LOC128462377: variants seen among roughly 807,000 people sequenced by gnomAD.
At chr16:89,376,888 T>A in the LOC128462377 span, among the ~76,000 whole-genome samples, 1 of 152,204 alleles carries the variant, frequency 6.6e-6, no homozygotes, top group Admixed American at 6.5e-5. Flanking sequence ...GCAAATGCAG[T>A]AGGGTTTATG....
chr16:89,336,956 G>C, the LOC128462377 span, among the ~76,000 whole-genome samples: 1 of 143,796 alleles, frequency 7.0e-6, no homozygotes, highest in Non-Finnish European at 1.5e-5. Context: ...GATTGCTTGA[G>C]CTCAGGAGGT....
chr16:89,358,969 G>A, the LOC128462377 span, among the ~76,000 whole-genome samples: 91 of 152,170 alleles, frequency 6.0e-4, no homozygotes, highest in Admixed American at 2.8e-3. Context: ...GGGACCACAG[G>A]CATGCACCAC....
the LOC128462377 span, among the ~76,000 whole-genome samples, chr16:89,368,382 T>G: frequency 0.016 from 2,118 of 131,444 alleles, 51 homozygotes; most frequent in African/African-American, 0.06. Flanking sequence ...TTTTTTTTTT[T>G]TTTTTTTTTT....
chr16:89,323,139 A>C, the LOC128462377 span: 1 of 356,964 alleles, frequency 2.8e-6, no homozygotes, highest in Middle Eastern at 6.7e-4. Context: ...GGAAAGGGAG[A>C]AGCACGGTCT....
the LOC128462377 span, chr16:89,340,005 T>C: frequency 2.0e-5 from 3 of 152,262 alleles, no homozygotes; most frequent in Admixed American, 1.3e-4. Context: ...ACTATTCTTA[T>C]GACAACTGCA....
At chr16:89,407,194 A>T in the LOC128462377 span, among the ~76,000 whole-genome samples, 1 of 149,288 alleles carries the variant, frequency 6.7e-6, no homozygotes, top group Non-Finnish European at 1.5e-5. Flanking sequence ...TCAAAAAGAT[A>T]AAAAAAAAAG....
At chr16:89,346,437 G>C in the LOC128462377 span, among the ~76,000 whole-genome samples, 192 of 152,196 alleles carry the variant, frequency 1.3e-3, 1 homozygote, top group African/African-American at 4.5e-3. Flanking sequence ...TAATCACATA[G>C]AAAATAACAC....
chr16:89,383,735 G>A, the LOC128462377 span, among the ~76,000 whole-genome samples: 1 of 151,648 alleles, frequency 6.6e-6, no homozygotes, highest in Non-Finnish European at 1.5e-5. Context: ...TCCAGCCCCT[G>A]CACTCGGACC....
the LOC128462377 span, among the ~76,000 whole-genome samples, chr16:89,388,564 C>T: frequency 2.0e-5 from 3 of 152,122 alleles, no homozygotes; most frequent in Non-Finnish European, 4.4e-5. Context: ...AGCCTGAATG[C>T]TGCATGTGTG....
the LOC128462377 span, among the ~76,000 whole-genome samples, chr16:89,395,518 G>C: frequency 6.6e-6 from 1 of 152,216 alleles, no homozygotes; most frequent in African/African-American, 2.4e-5. Flanking sequence ...CCACCCGAAC[G>C]GGGAACCGAA....
the LOC128462377 span, among the ~76,000 whole-genome samples, chr16:89,370,951 T>C: frequency 6.6e-6 from 1 of 151,914 alleles, no homozygotes; most frequent in East Asian, 1.9e-4. Context: ...AACCAAGCCC[T>C]GCGGACACCA....
At chr16:89,388,738 C>G in the LOC128462377 span, among the ~76,000 whole-genome samples, 1 of 152,202 alleles carries the variant, frequency 6.6e-6, no homozygotes, top group Non-Finnish European at 1.5e-5. Flanking sequence ...GTCCCGGGCT[C>G]ACACAGGTCT....
At chr16:89,319,084 T>C in the LOC128462377 span, among the ~76,000 whole-genome samples, 1 of 152,196 alleles carries the variant, frequency 6.6e-6, no homozygotes, top group Non-Finnish European at 1.5e-5. Flanking sequence ...GAATTAACAT[T>C]TTAAAAAATC....
At chr16:89,405,399 C>T in the LOC128462377 span, among the ~76,000 whole-genome samples, 1 of 151,994 alleles carries the variant, frequency 6.6e-6, no homozygotes, top group African/African-American at 2.4e-5. Flanking sequence ...TATGAGCTCA[C>T]CGTAGCCTCG....
the LOC128462377 span, among the ~76,000 whole-genome samples, chr16:89,356,014 G>A: frequency 1.3e-5 from 2 of 152,326 alleles, no homozygotes; most frequent in African/African-American, 4.8e-5. Context: ...CCTGGGGGCT[G>A]AGGCGACAGT....
the LOC128462377 span, among the ~76,000 whole-genome samples, chr16:89,371,498 G>T: frequency 2.0e-5 from 3 of 151,940 alleles, no homozygotes; most frequent in Non-Finnish European, 4.4e-5. Context: ...CAGGCTATGT[G>T]GTCTGTAGTC....
At chr16:89,417,915 G>A in the LOC128462377 span, among the ~76,000 whole-genome samples, 1 of 152,162 alleles carries the variant, frequency 6.6e-6, no homozygotes, top group Non-Finnish European at 1.5e-5. Flanking sequence ...AACACAACAT[G>A]CTCAGAGCAC....
the LOC128462377 span, among the ~76,000 whole-genome samples, chr16:89,369,453 TGCCGCAGCATGGGTGC>T: frequency 1.3e-5 from 2 of 152,200 alleles, no homozygotes; most frequent in Non-Finnish European, 2.9e-5. Flanking sequence ...CACCAAGCTC[TGCCGCAGCATGGGTGC>T]GCCGCAACAG....
the LOC128462377 span, among the ~76,000 whole-genome samples, chr16:89,409,923 T>C: frequency 1.1e-4 from 17 of 152,208 alleles, no homozygotes; most frequent in Non-Finnish European, 2.1e-4. Flanking sequence ...CACTGCAAGC[T>C]CCGCCTCCCG....
Sources: allele counts gnomAD v4.1 joint callset (sites outside exome capture counted in the v4.1 genomes callset), GRCh38; gene constraint gnomAD v4.1.1; transcripts MANE v1.5.